The following FKTN variants were observed in gnomAD, a reference collection of about 807,000 sequenced individuals.
FKTN encodes the protein ribitol-5-phosphate transferase FKTN.
FKTN carries 47 observed loss-of-function variants against 58.6 expected under a neutral mutation model. The ratio of observed to expected loss-of-function variants is 0.80; its 90% CI spans 0.63 to 1.02. The LOEUF is 1.02. Among genes scored for constraint, FKTN ranks in the 50% least tolerant of loss-of-function variants. The pLI is 0.00. For missense variants in FKTN, 516 were observed against 537.3 expected, an observed-to-expected ratio of 0.96 and a Z score of 0.39; for synonymous variants, 178 against 191.9, an observed-to-expected ratio of 0.93 and a Z score of 0.60.
intron 3 of FKTN, among the ~76,000 whole-genome samples, chr9:105,586,431 G>C (rs1368429182): frequency 6.6e-6 from 1 of 152,170 alleles, no homozygotes; most frequent in Non-Finnish European, 1.5e-5. Flanking sequence ...CTAGGACCCT[G>C]AAGAGAATTT....
chr9:105,568,656 T>G (rs1177839103), intron 1 of FKTN, among the ~76,000 whole-genome samples: 14 of 152,158 alleles, frequency 9.2e-5, no homozygotes, highest in Non-Finnish European at 2.1e-4. Context: ...CTGGAGAGGA[T>G]GTGGAGAAAT....
chr9:105,574,885 A>G (rs1841388689), intron 2 of FKTN, 60 bp from the exon 3 acceptor site: 2 of 656,132 alleles, frequency 3.0e-6, no homozygotes, highest in South Asian at 3.5e-5. Context: ...ATTGTTGGTT[A>G]TTACAGGTAC....
Position 105,636,947 on chromosome 9 carries a change from T to C in FKTN, c.*1683T>C. ...GCATTCTCAATGCAGAATTATTGGG[T>C]CTTTCATAAATAACATGAGTGGTTT... On this transcript the variant is annotated 3_prime_UTR_variant, in exon 11 of 11. Transcript: ENST00000357998. 1 of 1,043,514 alleles carries C rather than the reference T, an allele frequency of 9.6e-7. No individual in the cohort carries two copies. Among genetic ancestry groups the C allele is most frequent in the Non-Finnish European group, 1.2e-6 (1 of 857,116 alleles). 64.6% of individuals were successfully genotyped at this position (1,043,514 alleles called of 1,614,324 possible). A position where few individuals can be genotyped will look rare whatever the true frequency, so the allele number is the denominator to read the frequency against.
Position 105,601,219 on chromosome 9 carries a change from G to A in FKTN, c.240G>A (p.Leu80=). ...VPVFLIDPLI[L]ELINKNFEQV... Reference sequence around the variant, plus strand: ...TGTTTCTTATTGATCCTTTGATACTGGAATTGATTAATAAGAACTTTGAAC... The same window carrying A: ...TGTTTCTTATTGATCCTTTGATACTAGAATTGATTAATAAGAACTTTGAAC... The change falls in exon 5 of 11, where the codon CTG becomes CTA. Residue 80 remains leucine (L), a synonymous_variant. Coordinates refer to ENST00000357998, the MANE Select transcript of FKTN (RefSeq NM_001079802.2). The A allele has an allele frequency of 6.2e-7, 1 of 1,608,984 alleles. No homozygotes were observed. Among genetic ancestry groups the A allele is most frequent in the South Asian group, 1.1e-5 (1 of 90,930 alleles).
intron 8 of FKTN, among the ~76,000 whole-genome samples, chr9:105,615,766 G>A (rs1340470367): frequency 6.6e-6 from 1 of 151,740 alleles, no homozygotes; most frequent in Non-Finnish European, 1.5e-5. Context: ...TATATACGCT[G>A]CTCTTTCCCT....
intron 10 of FKTN, among the ~76,000 whole-genome samples, chr9:105,631,869 A>G (rs892689362): frequency 6.6e-6 from 1 of 151,040 alleles, no homozygotes; most frequent in African/African-American, 2.4e-5. Flanking sequence ...GCGACTCCTC[A>G]GGGATCTAGA....
At chr9:105,633,609 T>C (rs1833739876) in intron 10 of FKTN, 1 of 152,368 alleles carries the variant, frequency 6.6e-6, no homozygotes, top group East Asian at 1.9e-4. Flanking sequence ...ATGGTGGGGC[T>C]AAGCTGTATC....
chr9:105,579,416 G>A (rs1412938195), intron 3 of FKTN, among the ~76,000 whole-genome samples: 11 of 151,684 alleles, frequency 7.3e-5, no homozygotes, highest in Middle Eastern at 3.2e-3. Flanking sequence ...CCTTCATTTC[G>A]TTATGTACCC....
intron 9 of FKTN, 139 bp downstream of exon 9, chr9:105,618,231 G>A: frequency 1.3e-6 from 1 of 781,586 alleles, no homozygotes; most frequent in Non-Finnish European, 2.2e-6. Context: ...TTCAGCAGAA[G>A]CCTGTTACCA....
intron 1 of FKTN, among the ~76,000 whole-genome samples, chr9:105,561,593 TC>T (rs1366277251): frequency 6.6e-6 from 1 of 152,188 alleles, no homozygotes; most frequent in Non-Finnish European, 1.5e-5. Context: ...TACACCATAG[TC>T]ATTCAGAAAG....
chr9:105,596,280 C>G (rs1019986568), intron 3 of FKTN, among the ~76,000 whole-genome samples: 1 of 152,186 alleles, frequency 6.6e-6, no homozygotes, highest in Non-Finnish European at 1.5e-5. Context: ...TAGACATAGA[C>G]CTTAACAGAC....
intron 3 of FKTN, among the ~76,000 whole-genome samples, chr9:105,588,985 A>G (rs185069530): frequency 3.5e-4 from 53 of 152,290 alleles, no homozygotes; most frequent in African/African-American, 1.2e-3. Context: ...ATTGGTTGAC[A>G]GTGACTGCAT....
At chr9:105,615,518 A>ACACAT in intron 8 of FKTN, 111 bp downstream of exon 8, 2 of 1,022,672 alleles carry the variant, frequency 2.0e-6, no homozygotes, top group African/African-American at 1.6e-5. Context: ...TCATGTGTAT[A>ACACAT]GACAGAATAA....
intron 3 of FKTN, among the ~76,000 whole-genome samples, chr9:105,595,690 G>T (rs1826648102): frequency 6.6e-6 from 1 of 152,038 alleles, no homozygotes. Flanking sequence ...ACTATCCTAG[G>T]TGCTACTGGT....
intron 8 of FKTN, among the ~76,000 whole-genome samples, chr9:105,617,346 G>A (rs1831010294): frequency 1.3e-5 from 2 of 152,170 alleles, no homozygotes; most frequent in African/African-American, 2.4e-5. Context: ...ATATCATTTG[G>A]CAGTGTGTTG....
intron 10 of FKTN, among the ~76,000 whole-genome samples, chr9:105,621,082 C>T (rs926025917): frequency 2.8e-4 from 42 of 152,154 alleles, no homozygotes; most frequent in African/African-American, 1.0e-3. Flanking sequence ...CCAACTACTA[C>T]ATTTCTGGAG....
intron 1 of FKTN, among the ~76,000 whole-genome samples, chr9:105,565,425 A>T (rs34182142): frequency 6.6e-6 from 1 of 152,218 alleles, no homozygotes; most frequent in African/African-American, 2.4e-5. Flanking sequence ...AAAGACACAC[A>T]TAGGCTCAAA....
chr9:105,593,511 T>G (rs1487642673), intron 3 of FKTN, among the ~76,000 whole-genome samples: 1 of 151,688 alleles, frequency 6.6e-6, no homozygotes, highest in Non-Finnish European at 1.5e-5. Context: ...CTGGGTAGAG[T>G]GGGTTGGGAG....
chr9:105,624,909 T>C (rs1048833605), intron 10 of FKTN, among the ~76,000 whole-genome samples: 1 of 152,186 alleles, frequency 6.6e-6, no homozygotes, highest in Non-Finnish European at 1.5e-5. Context: ...TTTTTTTGTG[T>C]CATATAACCT....
Sources: gnomAD v4.1 joint callset for allele counts (sites outside exome capture counted in the v4.1 genomes callset) on GRCh38, gnomAD v4.1.1 for gene constraint, MANE v1.5 for transcripts, NCBI Gene and HGNC (gene_info 2026-07-23, HGNC 2026-07-21) for gene names.